KCND2: variants seen among roughly 807,000 people sequenced by gnomAD.
KCND2 encodes potassium voltage-gated channel subfamily D member 2.
A neutral mutation model predicts 54.4 loss-of-function variants in KCND2; 16 were observed. The ratio of observed to expected loss-of-function variants is 0.29; its 90% confidence interval spans 0.20 to 0.45. The LOEUF (loss-of-function observed/expected upper bound fraction) is 0.45. KCND2 is among the 20% of genes least tolerant of loss of function. The pLI is 1.00. For synonymous variants in KCND2, 317 were observed against 310.7 expected (o/e 1.02, Z -0.21); for missense variants, 486 against 824.2 (o/e 0.59, Z 5.02).
At chr7:120,655,264 G>A (rs1471653620) in intron 1 of KCND2, among the ~76,000 whole-genome samples, 2 of 151,848 alleles carry the variant, frequency 1.3e-5, no homozygotes, top group Non-Finnish European at 2.9e-5. Flanking sequence ...CTATAAAAAA[G>A]GGATGAATCC....
chr7:120,473,103 G>A (rs1802483147), intron 1 of KCND2, among the ~76,000 whole-genome samples: 1 of 152,152 alleles, frequency 6.6e-6, no homozygotes, highest in Admixed American at 6.5e-5. Flanking sequence ...CAGCTTTCAG[G>A]GTGGAAGGAG....
intron 1 of KCND2, among the ~76,000 whole-genome samples, chr7:120,482,061 C>T (rs1338034150): frequency 1.3e-5 from 2 of 152,108 alleles, no homozygotes; most frequent in Non-Finnish European, 2.9e-5. Flanking sequence ...GCTATAGGGG[C>T]AGGGTTGCCT....
rs566236151 is a variant in KCND2 at position 120,629,663 on chromosome 7, T to C, written c.1116-103240T>C. ...GTCAAGGTGGACGCTGCAAGTTAGA[T>C]AGCAGGCTGTTGCAGTAGTTCAAGT... is the stretch of plus-strand genomic sequence containing the variant. On this transcript the variant is annotated intron_variant, in intron 1 of 5. Coordinates refer to ENST00000331113, the MANE Select transcript of KCND2 (RefSeq NM_012281.3). Among the ~76,000 whole-genome samples, 80 of 152,286 alleles carry C rather than the reference T, an allele frequency of 5.3e-4. 1 individual carries two copies. The highest frequency in any genetic ancestry group is 1.6e-3 in the African/African-American group (67 of 41,578).
At chr7:120,522,270 A>G (rs1040394531) in intron 1 of KCND2, among the ~76,000 whole-genome samples, 1 of 152,168 alleles carries the variant, frequency 6.6e-6, no homozygotes, top group Non-Finnish European at 1.5e-5. Context: ...GTCTTGTGTA[A>G]GCACGATTCA....
intron 1 of KCND2, among the ~76,000 whole-genome samples, chr7:120,451,962 A>C (rs1174883176): frequency 6.6e-6 from 1 of 152,266 alleles, no homozygotes; most frequent in South Asian, 2.1e-4. Flanking sequence ...TAGATAGTCT[A>C]TAAGGCTAAT....
chr7:120,621,891 C>T (rs1057096491), intron 1 of KCND2, among the ~76,000 whole-genome samples: 44 of 152,164 alleles, frequency 2.9e-4, no homozygotes, highest in African/African-American at 1.0e-3. Context: ...CTCTTTTATT[C>T]ATCTTCCTGA....
At chr7:120,408,674 C>T (rs1032924248) in intron 1 of KCND2, among the ~76,000 whole-genome samples, 3 of 151,816 alleles carry the variant, frequency 2.0e-5, no homozygotes, top group African/African-American at 7.2e-5. Flanking sequence ...CACTCCCCTG[C>T]CCCCCAACAG....
chr7:120,311,375 A>G (rs1758854041), intron 1 of KCND2, among the ~76,000 whole-genome samples: 1 of 152,240 alleles, frequency 6.6e-6, no homozygotes, highest in East Asian at 1.9e-4. Context: ...ATTTGCCAAC[A>G]CTTTTCATTA....
chr7:120,706,937 G>A (rs980739565), intron 1 of KCND2, among the ~76,000 whole-genome samples: 1 of 151,944 alleles, frequency 6.6e-6, no homozygotes, highest in African/African-American at 2.4e-5. Context: ...TTGTCTAATT[G>A]TCAAAATGTA....
chr7:120,515,138 C>G (rs1002255672), intron 1 of KCND2, among the ~76,000 whole-genome samples: 3 of 152,054 alleles, frequency 2.0e-5, no homozygotes, highest in African/African-American at 7.2e-5. Context: ...ATTGGGTTAA[C>G]CACCCTCCAG....
At chr7:120,606,663 T>G (rs1792886068) in intron 1 of KCND2, among the ~76,000 whole-genome samples, 1 of 152,108 alleles carries the variant, frequency 6.6e-6, no homozygotes, top group South Asian at 2.1e-4. Flanking sequence ...GTGTCAAAAA[T>G]CAACTGACTA....
intron 1 of KCND2, among the ~76,000 whole-genome samples, chr7:120,499,568 G>A (rs1011347539): frequency 8.6e-5 from 13 of 152,000 alleles, no homozygotes; most frequent in African/African-American, 2.7e-4. Flanking sequence ...ATTCTTATAG[G>A]TAGCATGGAA....
intron 1 of KCND2, among the ~76,000 whole-genome samples, chr7:120,624,719 T>C (rs1040348596): frequency 3.6e-4 from 54 of 151,662 alleles, no homozygotes; most frequent in Non-Finnish European, 5.0e-4. Flanking sequence ...AGGACAAGGT[T>C]GCAGTGAGCT....
chr7:120,294,926 CT>C (rs1400507031), intron 1 of KCND2, among the ~76,000 whole-genome samples: 1 of 151,796 alleles, frequency 6.6e-6, no homozygotes, highest in East Asian at 1.9e-4. Context: ...ATCTTTTACT[CT>C]TGCCTAGGTT....
chr7:120,634,687 T>C (rs138680638), intron 1 of KCND2, among the ~76,000 whole-genome samples: 127 of 152,332 alleles, frequency 8.3e-4, no homozygotes, highest in African/African-American at 2.9e-3. Flanking sequence ...TATCCTCCAC[T>C]GCACAGCCAA....
At chr7:120,697,790 T>C (rs1263749273) in intron 1 of KCND2, among the ~76,000 whole-genome samples, 5 of 152,136 alleles carry the variant, frequency 3.3e-5, no homozygotes, top group African/African-American at 7.2e-5. Flanking sequence ...TGGAAGGACC[T>C]AAGATTGAAG....
intron 1 of KCND2, among the ~76,000 whole-genome samples, chr7:120,598,285 C>T (rs899114939): frequency 6.6e-6 from 1 of 151,994 alleles, no homozygotes; most frequent in Non-Finnish European, 1.5e-5. Flanking sequence ...GTTCCTTTTA[C>T]TATTGAATAA....
chr7:120,568,660 A>G (rs1792327576), intron 1 of KCND2, among the ~76,000 whole-genome samples: 1 of 152,150 alleles, frequency 6.6e-6, no homozygotes, highest in African/African-American at 2.4e-5. Context: ...GTTCTGAGCC[A>G]GACTGCCTGG....
At chr7:120,306,906 A>C (rs967018967) in intron 1 of KCND2, among the ~76,000 whole-genome samples, 1 of 152,086 alleles carries the variant, frequency 6.6e-6, no homozygotes, top group Non-Finnish European at 1.5e-5. Context: ...TGTGAACCCA[A>C]GCAGCTCTTC....
Sources: allele counts gnomAD v4.1 joint callset (sites outside exome capture counted in the v4.1 genomes callset), GRCh38; gene constraint gnomAD v4.1.1; transcripts MANE v1.5; gene names NCBI Gene and HGNC (gene_info 2026-07-23, HGNC 2026-07-21).